GPHN: variants seen among roughly 807,000 people sequenced by gnomAD.
GPHN encodes the protein gephyrin.
Under a neutral mutation model 95.5 loss-of-function variants are expected in GPHN, and 17 were observed. That is an observed-to-expected ratio of 0.18 (90% CI 0.12 to 0.27). The LOEUF (loss-of-function observed/expected upper bound fraction) is 0.27. Ranked by LOEUF, GPHN falls within the 10% of genes least tolerant of loss-of-function variation. The probability of loss-of-function intolerance (pLI) is 1.00; values close to 1 mark genes in which losing one functional copy is unlikely to be tolerated. For missense variants in GPHN, 660 were observed against 978.1 expected, an observed-to-expected ratio of 0.67 and a Z score of 4.34; for synonymous variants, 320 against 322.5, an observed-to-expected ratio of 0.99 and a Z score of 0.08.
At chr14:66,945,333 C>G (rs577962344) in intron 8 of GPHN, among the ~76,000 whole-genome samples, 1 of 152,210 alleles carries the variant, frequency 6.6e-6, no homozygotes, top group Non-Finnish European at 1.5e-5. Flanking sequence ...TCTAAACTTC[C>G]CATAGCTCCA....
At chr14:66,843,843 A>C (rs980157481) in intron 4 of GPHN, among the ~76,000 whole-genome samples, 6 of 152,056 alleles carry the variant, frequency 3.9e-5, no homozygotes, top group Admixed American at 3.3e-4. Context: ...TTTTTTTATA[A>C]ATAATCATCT....
Position 66,974,710 on chromosome 14 carries a change from C to A in GPHN, c.963+9385C>A, listed in dbSNP as rs959454700. On this transcript the variant is annotated intron_variant, in intron 9 of 22. Transcript: ENST00000478722. ...CACATAAAAAAGTTCTTATAAAATA[C>A]CCTTCATAAATAACCACTGTTAAAA... 2.6e-5 allele frequency among the ~76,000 whole-genome samples: 4 copies of A among 151,998 alleles called. No individual in the cohort carries two copies. In the East Asian group the frequency reaches 5.8e-4, roughly 22 times the overall value.
At chr14:67,497,551 C>T in the GPHN span, among the ~76,000 whole-genome samples, 49 of 152,236 alleles carry the variant, frequency 3.2e-4, no homozygotes, top group African/African-American at 6.0e-4. Flanking sequence ...GACTTTGGAA[C>T]GTTCTACTGG....
chr14:67,694,080 C>G, the GPHN span, among the ~76,000 whole-genome samples: 1 of 152,190 alleles, frequency 6.6e-6, no homozygotes, highest in African/African-American at 2.4e-5. Context: ...TTAAAACAAT[C>G]TGTTGACCAG....
chr14:66,651,422 A>G (rs955742533), intron 1 of GPHN, among the ~76,000 whole-genome samples: 1 of 152,206 alleles, frequency 6.6e-6, no homozygotes, highest in Admixed American at 6.5e-5. Context: ...AGACTGAGCC[A>G]GGGCTGCCTT....
chr14:67,458,198 C>G, the GPHN span, among the ~76,000 whole-genome samples: 4 of 152,070 alleles, frequency 2.6e-5, no homozygotes, highest in Admixed American at 2.6e-4. Context: ...CATTAGAGTG[C>G]GTACAGGGTG....
chr14:67,691,137 T>A, the GPHN span: 1 of 1,606,908 alleles, frequency 6.2e-7, no homozygotes, highest in Non-Finnish European at 8.5e-7. Context: ...CCAGATTTCT[T>A]ACCCAAGTGG....
At chr14:67,492,412 A>C in the GPHN span, among the ~76,000 whole-genome samples, 1 of 152,224 alleles carries the variant, frequency 6.6e-6, no homozygotes, top group African/African-American at 2.4e-5. Context: ...TACTCTGCAC[A>C]TGAGACCAGC....
intron 11 of GPHN, among the ~76,000 whole-genome samples, chr14:67,070,266 A>G (rs2076229113): frequency 6.6e-6 from 1 of 150,812 alleles, no homozygotes; most frequent in African/African-American, 2.4e-5. Flanking sequence ...TATTTTTGTG[A>G]CATATATGTG....
chr14:67,559,676 A>G, the GPHN span: 3 of 1,605,350 alleles, frequency 1.9e-6, no homozygotes, highest in South Asian at 3.4e-5. Flanking sequence ...AATGGGTGAC[A>G]CTCAAGTTGG....
intron 10 of GPHN, among the ~76,000 whole-genome samples, chr14:67,045,725 G>A (rs61990907): frequency 7.6e-5 from 11 of 144,176 alleles, no homozygotes; most frequent in African/African-American, 2.8e-4. Context: ...CTCTCTGTCT[G>A]TCTCTCTCTC....
At chr14:67,532,644 G>T in the GPHN span, among the ~76,000 whole-genome samples, 1 of 152,138 alleles carries the variant, frequency 6.6e-6, no homozygotes, top group Non-Finnish European at 1.5e-5. Context: ...CTTGAGCTCC[G>T]GAGTTCGAGT....
the GPHN span, chr14:67,334,317 A>AACTT: frequency 6.6e-6 from 1 of 152,622 alleles, no homozygotes; most frequent in African/African-American, 2.4e-5. Context: ...TTGGCATGGA[A>AACTT]ACTTAATTTG....
chr14:67,650,004 G>C, the GPHN span: 1 of 152,264 alleles, frequency 6.6e-6, no homozygotes, highest in Non-Finnish European at 1.5e-5. Flanking sequence ...ACACTACCGA[G>C]AACTTTGACA....
intron 3 of GPHN, among the ~76,000 whole-genome samples, chr14:66,790,546 G>A (rs962746730): frequency 1.3e-5 from 2 of 152,184 alleles, no homozygotes; most frequent in Admixed American, 6.5e-5. Flanking sequence ...CTATTTCCTG[G>A]AAGGTAGAGA....
chr14:66,691,111 G>A (rs555864724), intron 2 of GPHN, among the ~76,000 whole-genome samples: 1 of 152,220 alleles, frequency 6.6e-6, no homozygotes, highest in South Asian at 2.1e-4. Context: ...GGAGACTGAG[G>A]TGGGAGGATC....
At chr14:67,677,704 T>A in the GPHN span, 1 of 152,250 alleles carries the variant, frequency 6.6e-6, no homozygotes, top group East Asian at 1.9e-4. Context: ...CATCTCTGAT[T>A]ATTGTGGCTG....
the GPHN span, among the ~76,000 whole-genome samples, chr14:67,238,424 A>G: frequency 1.3e-5 from 2 of 151,666 alleles, no homozygotes; most frequent in African/African-American, 2.4e-5. Context: ...GCGTGCCACC[A>G]CACCCAGCTA....
chr14:66,776,426 T>C (rs2059384646), intron 2 of GPHN, 38 bp from the exon 3 acceptor site: 2 of 1,177,368 alleles, frequency 1.7e-6, no homozygotes, highest in African/African-American at 1.5e-5. Context: ...TTAAACACTA[T>C]TGCTGGTTTT....
Sources: gnomAD v4.1 joint callset for allele counts (sites outside exome capture counted in the v4.1 genomes callset) on GRCh38, gnomAD v4.1.1 for gene constraint, MANE v1.5 for transcripts, NCBI Gene and HGNC (gene_info 2026-07-23, HGNC 2026-07-21) for gene names.